The following AKAIN1 variants were observed in gnomAD, a reference collection of about 807,000 sequenced individuals.
AKAIN1 encodes the protein A-kinase anchor protein inhibitor 1.
A neutral mutation model predicts 3.7 loss-of-function variants in AKAIN1; 3 were observed. That is an observed-to-expected ratio of 0.82 (90% CI 0.37 to 2.12). The LOEUF is 2.12. Among genes scored for constraint, AKAIN1 ranks in the 30% most tolerant of loss-of-function variants. The pLI is 0.06. For missense variants in AKAIN1, 82 were observed against 82.7 expected (o/e 0.99, Z 0.03); for synonymous variants, 31 against 30.8 (o/e 1.01, Z -0.02).
Position 5,143,499 on chromosome 18 carries a change from GA to G in AKAIN1, c.*2062del, listed in dbSNP as rs1271846230. 4.6e-5 allele frequency among the ~76,000 whole-genome samples: 7 copies of G among 152,096 alleles called. No individual in the cohort carries two copies. In the East Asian group the frequency reaches 7.7e-4, roughly 17 times the overall value. On this transcript the variant is annotated 3_prime_UTR_variant, in exon 2 of 2. Transcript: ENST00000434239. ...ACATCCTTTTCTCTTCAAGCCTCAG[GA>G]CCCACCATCCCATGGCTGTCCTCAC...
intron 1 of AKAIN1, among the ~76,000 whole-genome samples, chr18:5,193,877 A>C (rs1033257894): frequency 6.6e-6 from 1 of 152,162 alleles, no homozygotes; most frequent in African/African-American, 2.4e-5. Flanking sequence ...TTATGGGACA[A>C]ATATATTTCT....
At chr18:5,192,385 T>TTTTCTTTCTTTCTTTC (rs34194118) in intron 1 of AKAIN1, among the ~76,000 whole-genome samples, 6,884 of 106,790 alleles carry the variant, frequency 0.064, 309 homozygotes, top group South Asian at 0.079. Flanking sequence ...ACAGAGCTAA[T>TTTTCTTTCTTTCTTTC]TTTCTTTCTT....
rs1205459049 is a variant in AKAIN1, at chr18:5,197,128, T to C, written c.-75A>G. 2 of 1,546,458 alleles carry C rather than the reference T, an allele frequency of 1.3e-6. No individual in the cohort carries two copies. Among genetic ancestry groups the C allele is most frequent in the African/African-American group, 1.4e-5 (1 of 72,970 alleles). ...ACGGAGGATGGGAAGAAGGCCGGAC[T>C]TGGCGGGGTCCGGTGCAGGAGGGCG... On this transcript the variant is annotated 5_prime_UTR_variant, in exon 1 of 2. Transcript: ENST00000434239. This position sits in a 1 kb window ranked among gnomAD's most constrained non-coding sequence, Gnocchi z 6.9.
chr18:5,167,039 T>C (rs778539636), intron 1 of AKAIN1, among the ~76,000 whole-genome samples: 1 of 152,074 alleles, frequency 6.6e-6, no homozygotes, highest in Admixed American at 6.6e-5. Flanking sequence ...ACATTACTCA[T>C]GATTTTTCAC....
At chr18:5,183,591 A>C (rs1429284441) in intron 1 of AKAIN1, among the ~76,000 whole-genome samples, 4 of 151,486 alleles carry the variant, frequency 2.6e-5, no homozygotes, top group African/African-American at 4.8e-5. Flanking sequence ...TTAAAAAAAA[A>C]CCCAGTGTTG....
chr18:5,150,049 A>G (rs534564711), intron 1 of AKAIN1, among the ~76,000 whole-genome samples: 2 of 152,338 alleles, frequency 1.3e-5, no homozygotes, highest in Admixed American at 6.5e-5. Flanking sequence ...GCTGTGGCCA[A>G]AAAGTTCGGA....
intron 1 of AKAIN1, among the ~76,000 whole-genome samples, chr18:5,146,512 T>C (rs992454226): frequency 6.6e-6 from 1 of 152,222 alleles, no homozygotes; most frequent in African/African-American, 2.4e-5. Context: ...ATAACCTCGC[T>C]GGGGCTGGAG....
At chr18:5,192,436 TC>T (rs1567881037) in intron 1 of AKAIN1, among the ~76,000 whole-genome samples, 8 of 112,296 alleles carry the variant, frequency 7.1e-5, no homozygotes, top group Non-Finnish European at 1.5e-4. Context: ...TTTCTTTCTT[TC>T]TTTCTTTCTT....
At chr18:5,173,984 A>C (rs1266737516) in intron 1 of AKAIN1, among the ~76,000 whole-genome samples, 1 of 152,086 alleles carries the variant, frequency 6.6e-6, no homozygotes, top group African/African-American at 2.4e-5. Context: ...AAGTCTAAGG[A>C]AGATGCTCTG....
At chr18:5,147,258 C>T (rs2143304190) in intron 1 of AKAIN1, among the ~76,000 whole-genome samples, 1 of 152,298 alleles carries the variant, frequency 6.6e-6, no homozygotes, top group Admixed American at 6.5e-5. Flanking sequence ...TATCAGTTCT[C>T]AGATGCCCAC....
intron 1 of AKAIN1, among the ~76,000 whole-genome samples, chr18:5,146,132 G>GT (rs1555609185): frequency 6.6e-6 from 1 of 152,074 alleles, no homozygotes; most frequent in Non-Finnish European, 1.5e-5. Context: ...CTTTTATTGG[G>GT]TTTTTTCCAA....
intron 1 of AKAIN1, among the ~76,000 whole-genome samples, chr18:5,169,252 T>A (rs404763): frequency 0.015 from 2,330 of 152,214 alleles, 46 homozygotes; most frequent in African/African-American, 0.045. Context: ...GAGAGTCATA[T>A]GCTTTACTCA....
intron 1 of AKAIN1, among the ~76,000 whole-genome samples, chr18:5,172,666 T>C (rs1258559143): frequency 6.6e-6 from 1 of 151,888 alleles, no homozygotes; most frequent in Non-Finnish European, 1.5e-5. Flanking sequence ...TAAAGTTCTA[T>C]ATCAGAAAAT....
intron 1 of AKAIN1, among the ~76,000 whole-genome samples, chr18:5,186,042 G>A (rs991711513): frequency 3.3e-5 from 5 of 152,164 alleles, no homozygotes; most frequent in Non-Finnish European, 7.4e-5. Flanking sequence ...CATGGATGCA[G>A]CTGGAGCTGT....
At chr18:5,158,565 C>G (rs763814864) in intron 1 of AKAIN1, among the ~76,000 whole-genome samples, 2 of 152,190 alleles carry the variant, frequency 1.3e-5, no homozygotes, top group Non-Finnish European at 2.9e-5. Context: ...GGTCAGTTCT[C>G]CACTCCCTCC....
At chr18:5,178,375 A>G (rs1253485945) in intron 1 of AKAIN1, among the ~76,000 whole-genome samples, 2 of 152,014 alleles carry the variant, frequency 1.3e-5, no homozygotes, top group African/African-American at 4.8e-5. Context: ...CCCCATCTCA[A>G]AAAAAGGAAG....
intron 1 of AKAIN1, among the ~76,000 whole-genome samples, chr18:5,190,154 T>C (rs1427552703): frequency 6.6e-6 from 1 of 152,182 alleles, no homozygotes; most frequent in Non-Finnish European, 1.5e-5. Context: ...AGCTCACTTC[T>C]GCGATAACTA....
intron 1 of AKAIN1, among the ~76,000 whole-genome samples, chr18:5,186,676 C>A (rs1475129154): frequency 6.6e-6 from 1 of 152,082 alleles, no homozygotes; most frequent in East Asian, 1.9e-4. Context: ...GTAAACAACA[C>A]CTTCAACTCA....
At position 5,176,166 on chromosome 18, in the gene AKAIN1, C is replaced by T. The variant is rs369422055; in HGVS notation, c.16+20872G>A. On this transcript the variant is annotated intron_variant, in intron 1 of 1. Transcript: ENST00000434239. ...TAAAGACTGGTAAATAGGCTGGGCA[C>T]GGTGGCTCACGCATGTAATCCCAGA... Among the ~76,000 whole-genome samples the T allele has an allele frequency of 1.2e-4, 19 of 152,198 alleles. No individual in the cohort carries two copies. The East Asian group carries it at 2.1e-3, about 17-fold the overall frequency.
Sources: gnomAD v4.1 joint callset for allele counts (sites outside exome capture counted in the v4.1 genomes callset) on GRCh38, gnomAD v4.1.1 for gene constraint, Gnocchi (gnomAD v3.1) non-coding constraint, MANE v1.5 for transcripts, NCBI Gene and HGNC (gene_info 2026-07-23, HGNC 2026-07-21) for gene names.